Variants in MAP4 observed in about 807,000 individuals in gnomAD.
MAP4 encodes the protein microtubule-associated protein 4.
A neutral mutation model predicts 170.2 loss-of-function variants in MAP4; 76 were observed. The observed-to-expected ratio is 0.45, with a 90% CI of 0.37 to 0.54. The LOEUF is 0.54. Among genes scored for constraint, MAP4 ranks in the 20% least tolerant of loss-of-function variants. The pLI, the probability that MAP4 is intolerant of heterozygous loss-of-function variation, is 0.00. For synonymous variants in MAP4, 909 were observed against 994.5 expected, an observed-to-expected ratio of 0.91 and a Z score of 1.62; for missense variants, 2,506 against 2,748.0, an observed-to-expected ratio of 0.91 and a Z score of 1.97.
At chr3:48,079,529 C>T (rs2100145548) in intron 1 of MAP4, among the ~76,000 whole-genome samples, 1 of 151,852 alleles carries the variant, frequency 6.6e-6, no homozygotes, top group South Asian at 2.1e-4. Flanking sequence ...GTGGTGTGCA[C>T]CTGTACTCCC....
At chr3:47,928,389 AC>A (rs747442973) in intron 3 of MAP4, 39 bp from the exon 4 acceptor site, 119 of 1,607,310 alleles carry the variant, frequency 7.4e-5, no homozygotes, top group Non-Finnish European at 9.9e-5. Flanking sequence ...ACAAGATATT[AC>A]AGTTTTCTCC....
intron 15 of MAP4, 104 bp from the exon 16 acceptor site, chr3:47,869,431 C>T: frequency 1.3e-6 from 1 of 759,182 alleles, no homozygotes; most frequent in Non-Finnish European, 2.3e-6. Flanking sequence ...GGTCAGGCCA[C>T]CAGGCAAAAG....
At chr3:47,866,367 CA>C (rs1176925832) in intron 17 of MAP4, among the ~76,000 whole-genome samples, 1 of 148,732 alleles carries the variant, frequency 6.7e-6, no homozygotes, top group East Asian at 2.0e-4. Flanking sequence ...AACAAACAAA[CA>C]AACAAACAAA....
At chr3:47,979,323 T>C (rs1475101442) in intron 2 of MAP4, among the ~76,000 whole-genome samples, 1 of 152,174 alleles carries the variant, frequency 6.6e-6, no homozygotes, top group Non-Finnish European at 1.5e-5. Context: ...CTGCATTCTA[T>C]TGAATTGCCT....
Position 47,909,270 on chromosome 3 carries a change from A to G in MAP4, c.5151T>C (p.Ala1717=). ...EVADTLVIMT[A]SKGVRLPEPK... ...GTTCTGGGAGTCGAACACCCTTGGA[A>G]GCAGTCATTATTACTAACGTATCCG... The change falls in exon 9 of 21, where the codon GCT becomes GCC. Residue 1717 remains alanine (A), a synonymous_variant. Coordinates refer to ENST00000683076, the MANE Select transcript of MAP4 (RefSeq NM_001385682.1). 1 of 1,613,938 alleles carries G rather than the reference A, an allele frequency of 6.2e-7. No individual in the cohort carries two copies. Among genetic ancestry groups the G allele is most frequent in the Non-Finnish European group, 8.5e-7 (1 of 1,179,866 alleles).
At position 47,853,241 on chromosome 3, in the gene MAP4, G is replaced by A. The variant is rs1447977336; in HGVS notation, c.6808C>T (p.Leu2270Phe). Reference protein sequence around the residue: ...EAGAPTSASGLNGHPTLSGGG... With the variant: ...EAGAPTSASGFNGHPTLSGGG... ...CCTGACAGGGTGGGGTGGCCATTGA[G>A]GCCACTGGCTGAAGTGGGGGCGCCA... The change falls in exon 20 of 21, where the codon CTC becomes TTC. Residue 2270 changes from leucine (L) to phenylalanine (F), a missense_variant. This residue lies in a region of MAP4 where 487 missense variants were observed against 511.6 expected (regional missense o/e 0.95). Coordinates refer to ENST00000683076, the MANE Select transcript of MAP4 (RefSeq NM_001385682.1). 3.8e-6 allele frequency: 6 copies of A among 1,587,712 alleles called. No homozygotes were observed. Among genetic ancestry groups the A allele is most frequent in the Non-Finnish European group, 2.6e-6 (3 of 1,165,404 alleles).
At chr3:47,893,576 CA>C (rs1375255302) in intron 10 of MAP4, among the ~76,000 whole-genome samples, 1 of 152,016 alleles carries the variant, frequency 6.6e-6, no homozygotes, top group Non-Finnish European at 1.5e-5. Context: ...CTGAAGGAAC[CA>C]TAAAACAAAA....
intron 10 of MAP4, among the ~76,000 whole-genome samples, chr3:47,885,009 C>A (rs2097333237): frequency 1.3e-5 from 2 of 152,312 alleles, no homozygotes; most frequent in South Asian, 4.1e-4. Flanking sequence ...TGCATTGACA[C>A]TGTACCTGCA....
intron 1 of MAP4, among the ~76,000 whole-genome samples, chr3:48,056,684 C>A (rs2100131975): frequency 8.4e-6 from 1 of 118,400 alleles, no homozygotes; most frequent in African/African-American, 3.8e-5. Context: ...AGCCCTCCGC[C>A]CGGCCAGCCG....
intron 3 of MAP4, among the ~76,000 whole-genome samples, chr3:47,966,291 A>T (rs1364056687): frequency 8.6e-6 from 1 of 115,820 alleles, no homozygotes; most frequent in Non-Finnish European, 1.6e-5. Context: ...TCTGTTGCCC[A>T]GGCTGAAGTG....
At chr3:48,064,742 A>AC (rs1286946638) in intron 1 of MAP4, among the ~76,000 whole-genome samples, 6 of 152,298 alleles carry the variant, frequency 3.9e-5, no homozygotes, top group African/African-American at 1.4e-4. Context: ...TAGATGGTAC[A>AC]GCCTGCTACA....
chr3:47,916,382 G>T lies in MAP4; in HGVS notation c.1445C>A (p.Pro482Gln). The T allele has an allele frequency of 6.2e-7, 1 of 1,614,200 alleles. No individual in the cohort carries two copies. Among genetic ancestry groups the T allele is most frequent in the Admixed American group, 1.7e-5 (1 of 60,024 alleles). The change falls in exon 7 of 21, where the codon CCA becomes CAA. Residue 482 changes from proline (P) to glutamine (Q), a missense_variant. Pro to Gln is a moderately conservative substitution (Grantham distance 76). This residue lies in a region of MAP4 where 2,008 missense variants were observed against 2,206.0 expected (regional missense o/e 0.91). Transcript: ENST00000683076. ...CTTGGCCGGGGCTATTTCTGTTTCTGGGAGTTGAGCCATGTCCTTGACTGG... is the reference window on the plus strand; with the variant it reads ...CTTGGCCGGGGCTATTTCTGTTTCTTGGAGTTGAGCCATGTCCTTGACTGG... Reference protein sequence around the residue: ...VAPVKDMAQLPETEIAPAKDV... With the variant: ...VAPVKDMAQLQETEIAPAKDV...
rs114512925 is a variant in MAP4 at position 47,851,754 on chromosome 3, C to T, written c.*1180G>A. 1 of 152,348 alleles carries T rather than the reference C, an allele frequency of 6.6e-6. No homozygotes were observed. Among genetic ancestry groups the T allele is most frequent in the Non-Finnish European group, 1.5e-5 (1 of 68,046 alleles). The allele number at this position is 152,348 out of a possible 1,614,324, so 9.4% of individuals were successfully genotyped here. On this transcript the variant is annotated 3_prime_UTR_variant, in exon 21 of 21. Transcript: ENST00000683076. The stretch of plus-strand genomic sequence containing the variant: ...TCAGGGCATAAGGGAAGCAGATAGC[C>T]TTAGTCTCATGCCTTTTATTTTTAA...
intron 1 of MAP4, among the ~76,000 whole-genome samples, chr3:47,999,724 G>A (rs2100098114): frequency 1.3e-5 from 2 of 151,988 alleles, no homozygotes; most frequent in African/African-American, 2.4e-5. Flanking sequence ...AGGGAAAGGA[G>A]CAGAAAAGAT....
At chr3:48,034,681 C>T (rs554030485) in intron 1 of MAP4, among the ~76,000 whole-genome samples, 27 of 151,840 alleles carry the variant, frequency 1.8e-4, no homozygotes, top group African/African-American at 6.0e-4. Flanking sequence ...CCACCCTGGG[C>T]GACAGAGAGA....
chr3:48,056,789 G>A (rs2100132087), intron 1 of MAP4, among the ~76,000 whole-genome samples: 1 of 82,064 alleles, frequency 1.2e-5, no homozygotes, highest in African/African-American at 6.0e-5. Context: ...CCGGGAGGGA[G>A]GTGGGGGGGT....
At chr3:47,863,725 C>G (rs939336199) in intron 17 of MAP4, among the ~76,000 whole-genome samples, 20 of 152,016 alleles carry the variant, frequency 1.3e-4, no homozygotes, top group Admixed American at 1.2e-3. Flanking sequence ...CTGGGACCAG[C>G]CACAGAAGAA....
rs544649453 is a variant in MAP4, at chr3:47,991,117, G to T, written c.223+7521C>A. On this transcript the variant is annotated intron_variant, in intron 2 of 20. Coordinates refer to ENST00000683076, the MANE Select transcript of MAP4 (RefSeq NM_001385682.1). Reference sequence around the variant, plus strand: ...GGTTCTTGTGTTGCCAGGCATGAAGGCAGAAATCATACTTAGAGAAAAAAG... The same window carrying T: ...GGTTCTTGTGTTGCCAGGCATGAAGTCAGAAATCATACTTAGAGAAAAAAG... Among the ~76,000 whole-genome samples, 141 of 152,300 alleles carry T rather than the reference G, an allele frequency of 9.3e-4. 2 individuals carry two copies. The highest frequency in any genetic ancestry group is 8.7e-4 in the Non-Finnish European group (59 of 68,028).
intron 1 of MAP4, among the ~76,000 whole-genome samples, chr3:48,071,123 C>T (rs941339956): frequency 6.6e-5 from 10 of 152,020 alleles, no homozygotes; most frequent in African/African-American, 2.4e-4. Context: ...AAAGGGCAGA[C>T]AAAAATATAA....
Sources: allele counts gnomAD v4.1 joint callset (sites outside exome capture counted in the v4.1 genomes callset), GRCh38; gene constraint gnomAD v4.1.1; regional missense constraint gnomAD v4.1.1; transcripts MANE v1.5; gene names NCBI Gene and HGNC (gene_info 2026-07-23, HGNC 2026-07-21).